TESK2: variants seen among roughly 807,000 people sequenced by gnomAD.
The protein encoded by TESK2 is testis associated actin remodelling kinase 2.
TESK2 carries 39 observed loss-of-function variants against 57.1 expected under a neutral mutation model. The ratio of observed to expected loss-of-function variants is 0.68; its 90% confidence interval spans 0.53 to 0.89. The LOEUF (loss-of-function observed/expected upper bound fraction) is 0.89. Among genes scored for constraint, TESK2 ranks in the 40% least tolerant of loss-of-function variants. The pLI is 0.00. For missense variants in TESK2, 646 were observed against 732.1 expected (o/e 0.88, Z 1.36); for synonymous variants, 249 against 267.9 (o/e 0.93, Z 0.69).
Position 45,355,335 on chromosome 1 carries a change from T to G in TESK2, c.508A>C (p.Lys170Gln), listed in dbSNP as rs774867648. The G allele has an allele frequency of 1.2e-6, 2 of 1,614,068 alleles. No homozygotes were observed. Reference sequence around the variant, plus strand: ...GTGAGGTCCCGATGAAAAATGCCTTTGAAGTGAAGGTAGCTGAGGCCCACT... The same window carrying G: ...GTGAGGTCCCGATGAAAAATGCCTTGGAAGTGAAGGTAGCTGAGGCCCACT... The part of the protein sequence containing the change: ...IAVGLSYLHF[K>Q]GIFHRDLTSK... The change falls in exon 5 of 11, where the codon AAA becomes CAA. Residue 170 changes from lysine to glutamine, a missense_variant. Transcript: ENST00000372086.
At chr1:45,447,436 C>T (rs990942667) in intron 2 of TESK2, among the ~76,000 whole-genome samples, 12 of 151,904 alleles carry the variant, frequency 7.9e-5, no homozygotes, top group Admixed American at 7.2e-4. Context: ...ATCATAATAT[C>T]ACTGTCACCC....
At chr1:45,482,454 G>A (rs545267591) in intron 1 of TESK2, among the ~76,000 whole-genome samples, 1 of 152,166 alleles carries the variant, frequency 6.6e-6, no homozygotes, top group East Asian at 1.9e-4. Flanking sequence ...CTTGAGCCTG[G>A]GAGGTCGAGG....
chr1:45,366,131 G>C (rs754713667), intron 4 of TESK2, among the ~76,000 whole-genome samples: 7 of 151,484 alleles, frequency 4.6e-5, no homozygotes, highest in Admixed American at 6.6e-5. Context: ...TTGTCACCCA[G>C]GCTGGAGTGC....
chr1:45,404,689 A>G (rs1649763617), intron 3 of TESK2, among the ~76,000 whole-genome samples: 1 of 151,856 alleles, frequency 6.6e-6, no homozygotes. Context: ...GATTACAGGC[A>G]TGCGCCACCA....
chr1:45,487,979 A>G (rs1177203535), intron 1 of TESK2, among the ~76,000 whole-genome samples: 1 of 151,212 alleles, frequency 6.6e-6, no homozygotes, highest in Non-Finnish European at 1.5e-5. Flanking sequence ...CAGTGGTACA[A>G]TCTTGACTCC....
chr1:45,423,581 A>C (rs577054507), intron 2 of TESK2, among the ~76,000 whole-genome samples: 63 of 150,044 alleles, frequency 4.2e-4, no homozygotes, highest in African/African-American at 1.3e-3. Context: ...AAAATCTATA[A>C]AAAAAAAAAA....
chr1:45,385,423 C>T (rs1320515400), intron 4 of TESK2: 1 of 791,964 alleles, frequency 1.3e-6, no homozygotes, highest in Non-Finnish European at 1.5e-6. Context: ...GTAATAAGAC[C>T]AACCAGGAAA....
intron 3 of TESK2, 97 bp from the exon 4 acceptor site, chr1:45,386,057 C>A (rs1418868329): frequency 1.2e-6 from 1 of 855,304 alleles, no homozygotes; most frequent in East Asian, 2.8e-5. Context: ...TAGAAACAAC[C>A]TGTGGGGTGC....
At chr1:45,374,970 A>G (rs1365258450) in intron 4 of TESK2, among the ~76,000 whole-genome samples, 1 of 152,236 alleles carries the variant, frequency 6.6e-6, no homozygotes, top group Non-Finnish European at 1.5e-5. Context: ...TGCTTTCAAA[A>G]TGGATCCAGA....
intron 4 of TESK2, among the ~76,000 whole-genome samples, chr1:45,383,734 T>C (rs540472339): frequency 2.6e-4 from 40 of 152,308 alleles, no homozygotes; most frequent in African/African-American, 8.4e-4. Flanking sequence ...CAAATACTTT[T>C]ATGCTTGTTA....
chr1:45,419,768 T>G (rs920188507), intron 3 of TESK2, among the ~76,000 whole-genome samples: 2 of 152,064 alleles, frequency 1.3e-5, no homozygotes, highest in African/African-American at 4.8e-5. Context: ...ATCGAGCCAT[T>G]GCACTCCAGC....
At chr1:45,427,385 A>G (rs1285703696) in intron 2 of TESK2, among the ~76,000 whole-genome samples, 1 of 152,208 alleles carries the variant, frequency 6.6e-6, no homozygotes, top group African/African-American at 2.4e-5. Flanking sequence ...GAGCTACCAT[A>G]TGATCCAGCA....
At chr1:45,364,147 G>T (rs1316111961) in intron 4 of TESK2, among the ~76,000 whole-genome samples, 1 of 152,064 alleles carries the variant, frequency 6.6e-6, no homozygotes, top group Non-Finnish European at 1.5e-5. Flanking sequence ...GATCTAATGG[G>T]GGTTGAATTA....
intron 1 of TESK2, among the ~76,000 whole-genome samples, chr1:45,460,381 G>A (rs970629590): frequency 2.0e-5 from 3 of 151,962 alleles, no homozygotes; most frequent in Non-Finnish European, 2.9e-5. Context: ...TTAGCTGGGC[G>A]TGGTGGCAGT....
At chr1:45,345,606 C>A (rs919329369) in intron 10 of TESK2, 48 bp from the exon 11 acceptor site, 1 of 1,506,512 alleles carries the variant, frequency 6.6e-7, no homozygotes, top group Non-Finnish European at 9.1e-7. Context: ...ATAACAAATA[C>A]AAGCAGCATT....
At chr1:45,430,713 G>A (rs528476434) in intron 2 of TESK2, among the ~76,000 whole-genome samples, 1 of 152,292 alleles carries the variant, frequency 6.6e-6, no homozygotes, top group South Asian at 2.1e-4. Flanking sequence ...TCACTGGCAA[G>A]GGTTGCATCT....
rs77668769 is a variant in TESK2, at chr1:45,425,252, A to G, written c.223-3406T>C. On this transcript the variant is annotated intron_variant, in intron 2 of 10. Transcript: ENST00000372086. ...ACATACAAAAATCAGTAGCATTTCT[A>G]TATGCCAACAGTGAACAATCTGAAA... is the stretch of plus-strand genomic sequence containing the variant. Among the ~76,000 whole-genome samples, 85 of 152,370 alleles carry G rather than the reference A, an allele frequency of 5.6e-4. No homozygotes were observed. The East Asian group carries it at 0.013, about 23-fold the overall frequency.
intron 1 of TESK2, among the ~76,000 whole-genome samples, chr1:45,458,513 C>T (rs1378713418): frequency 2.0e-5 from 3 of 150,204 alleles, no homozygotes; most frequent in South Asian, 2.1e-4. Flanking sequence ...TGCAGTGAGC[C>T]GAGATCGTGC....
intron 2 of TESK2, among the ~76,000 whole-genome samples, chr1:45,432,914 C>T (rs969130915): frequency 1.3e-5 from 2 of 150,528 alleles, no homozygotes; most frequent in Admixed American, 6.6e-5. Context: ...CAGGCACATG[C>T]CGCCACACCC....
Sources: gnomAD v4.1 joint callset for allele counts (sites outside exome capture counted in the v4.1 genomes callset) on GRCh38, gnomAD v4.1.1 for gene constraint, MANE v1.5 for transcripts, NCBI Gene and HGNC (gene_info 2026-07-23, HGNC 2026-07-21) for gene names.